The following REC114 variants were observed in gnomAD, a reference collection of about 807,000 sequenced individuals.
The protein encoded by REC114 is REC114 meiotic recombination protein, also known as meiotic recombination protein REC114.
REC114 carries 27 observed loss-of-function variants against 31.3 expected under a neutral mutation model. The ratio of observed to expected loss-of-function variants is 0.86; its 90% CI spans 0.64 to 1.19. The LOEUF (loss-of-function observed/expected upper bound fraction) is 1.19. Among genes scored for constraint, REC114 ranks in the 50% most tolerant of loss-of-function variants. The probability of loss-of-function intolerance (pLI) is 0.00; values close to 1 mark genes in which losing one functional copy is unlikely to be tolerated. For synonymous variants in REC114, 134 were observed against 127.7 expected (o/e 1.05, Z -0.33); for missense variants, 344 against 326.9 (o/e 1.05, Z -0.40).
chr15:73,504,943 C>T (rs543439185), intron 2 of REC114, among the ~76,000 whole-genome samples: 35 of 152,212 alleles, frequency 2.3e-4, no homozygotes, highest in Admixed American at 2.0e-3. Context: ...AACTTGCATC[C>T]TCTTCTCTAG....
At chr15:73,511,264 G>T (rs984590884) in intron 2 of REC114, among the ~76,000 whole-genome samples, 1 of 152,080 alleles carries the variant, frequency 6.6e-6, no homozygotes. Flanking sequence ...ATGGTAGTTT[G>T]TATTTCTGTG....
chr15:73,525,505 A>G (rs1893993251), intron 2 of REC114, among the ~76,000 whole-genome samples: 1 of 151,788 alleles, frequency 6.6e-6, no homozygotes, highest in African/African-American at 2.4e-5. Context: ...TATTTTCACT[A>G]TATATCCCAA....
chr15:73,490,709 G>GTA (rs956080436), intron 2 of REC114, among the ~76,000 whole-genome samples: 1 of 151,896 alleles, frequency 6.6e-6, no homozygotes, highest in Admixed American at 6.6e-5. Context: ...AATAAAGAAT[G>GTA]TATATATATA....
chr15:73,445,911 A>C (rs1892758339), intron 1 of REC114, among the ~76,000 whole-genome samples: 1 of 152,240 alleles, frequency 6.6e-6, no homozygotes, highest in Non-Finnish European at 1.5e-5. Flanking sequence ...ATACAGAGAC[A>C]TGAAGTGAAC....
At chr15:73,472,601 C>G (rs1268673917) in intron 1 of REC114, among the ~76,000 whole-genome samples, 2 of 152,022 alleles carry the variant, frequency 1.3e-5, no homozygotes, top group South Asian at 2.1e-4. Context: ...TCTATAACAT[C>G]TTATTGTTTA....
chr15:73,516,827 A>G (rs1893864646), intron 2 of REC114, among the ~76,000 whole-genome samples: 1 of 152,146 alleles, frequency 6.6e-6, no homozygotes, highest in Non-Finnish European at 1.5e-5. Flanking sequence ...GGGTTTTACC[A>G]TGTTGGCCAG....
chr15:73,529,626 C>G (rs1408713106), intron 2 of REC114, among the ~76,000 whole-genome samples: 4 of 152,088 alleles, frequency 2.6e-5, no homozygotes. Flanking sequence ...ACTATTTTCT[C>G]TAGCTTTGAA....
chr15:73,542,215 C>T (rs1303284324), intron 3 of REC114, among the ~76,000 whole-genome samples: 1 of 151,296 alleles, frequency 6.6e-6, no homozygotes, highest in Non-Finnish European at 1.5e-5. Context: ...CCTGTAATCC[C>T]AGCTACTTGG....
intron 1 of REC114, among the ~76,000 whole-genome samples, chr15:73,462,319 C>T (rs1190091015): frequency 2.0e-5 from 3 of 151,652 alleles, no homozygotes; most frequent in African/African-American, 7.3e-5. Flanking sequence ...TCCCAAGGGC[C>T]AGAAATAAGC....
chr15:73,491,698 G>C (rs1418360361), intron 2 of REC114, among the ~76,000 whole-genome samples: 1 of 152,134 alleles, frequency 6.6e-6, no homozygotes, highest in East Asian at 1.9e-4. Context: ...AGGAGTTTGA[G>C]ACCAGCCTGA....
At chr15:73,557,221 C>T (rs575101697) in intron 5 of REC114, among the ~76,000 whole-genome samples, 2 of 151,822 alleles carry the variant, frequency 1.3e-5, no homozygotes, top group Admixed American at 1.3e-4. Context: ...AGGCGTGTGC[C>T]ACCACGCCCA....
At chr15:73,519,413 T>C (rs756196986) in intron 2 of REC114, among the ~76,000 whole-genome samples, 58 of 152,300 alleles carry the variant, frequency 3.8e-4, no homozygotes, top group Non-Finnish European at 5.7e-4. Flanking sequence ...CTGTGAGCAA[T>C]AAATTTCCAC....
intron 1 of REC114, among the ~76,000 whole-genome samples, chr15:73,473,127 C>T (rs752451313): frequency 4.6e-5 from 7 of 152,120 alleles, no homozygotes; most frequent in Admixed American, 6.5e-5. Context: ...CGATGGCTCA[C>T]GCCTGTAATC....
chr15:73,513,171 C>A (rs1244525681), intron 2 of REC114, among the ~76,000 whole-genome samples: 2 of 146,306 alleles, frequency 1.4e-5, no homozygotes, highest in East Asian at 4.1e-4. Flanking sequence ...TCTAAACTTC[C>A]CTTCTCGCTT....
chr15:73,500,954 C>A lies in REC114; in HGVS notation c.249+27033C>A, dbSNP rs144916929. The stretch of plus-strand genomic sequence containing the variant: ...ACTTTGTGTCAGGTGTCCCCATGGT[C>A]TTATGTATTTAGGGAGGAGTCATCT... On this transcript the variant is annotated intron_variant, in intron 2 of 5. Coordinates refer to ENST00000331090, the MANE Select transcript of REC114 (RefSeq NM_001042367.2). 2.8e-3 allele frequency among the ~76,000 whole-genome samples: 423 copies of A among 152,122 alleles called. 2 individuals are homozygous for A. Among genetic ancestry groups the A allele is most frequent in the Admixed American group, 7.1e-3 (109 of 15,274 alleles).
chr15:73,531,481 C>T (rs966672103), intron 2 of REC114, among the ~76,000 whole-genome samples: 2 of 152,154 alleles, frequency 1.3e-5, no homozygotes, highest in African/African-American at 4.8e-5. Flanking sequence ...AAAAGCAAAG[C>T]TTGAGATTCT....
chr15:73,471,630 A>C (rs1365308273), intron 1 of REC114, among the ~76,000 whole-genome samples: 1 of 152,090 alleles, frequency 6.6e-6, no homozygotes, highest in Admixed American at 6.6e-5. Flanking sequence ...CTCTCCTGGA[A>C]GTTGTTGGCT....
intron 2 of REC114, among the ~76,000 whole-genome samples, chr15:73,510,880 T>C (rs1033946613): frequency 1.3e-5 from 2 of 152,194 alleles, no homozygotes; most frequent in African/African-American, 4.8e-5. Context: ...TCAATGTTCA[T>C]CAAAGATATT....
chr15:73,507,361 A>AT (rs532543456), intron 2 of REC114, among the ~76,000 whole-genome samples: 49 of 150,864 alleles, frequency 3.2e-4, no homozygotes, highest in South Asian at 6.3e-4. Flanking sequence ...AAATTATGAG[A>AT]TTTTTTTTTT....
Sources: gnomAD v4.1 joint callset for allele counts (sites outside exome capture counted in the v4.1 genomes callset) on GRCh38, gnomAD v4.1.1 for gene constraint, MANE v1.5 for transcripts, NCBI Gene and HGNC (gene_info 2026-07-23, HGNC 2026-07-21) for gene names.